Variants in LATS2 observed in about 807,000 individuals in gnomAD.
LATS2 encodes serine/threonine-protein kinase LATS2.
A neutral mutation model predicts 76.0 loss-of-function variants in LATS2; 24 were observed. That is an observed-to-expected ratio of 0.32 (90% CI 0.23 to 0.44). LATS2 has a LOEUF of 0.44. LATS2 is among the 20% of genes least tolerant of loss of function. The pLI, the probability that LATS2 is intolerant of heterozygous loss-of-function variation, is 1.00. For synonymous variants in LATS2, 692 were observed against 635.4 expected, an observed-to-expected ratio of 1.09 and a Z score of -1.34; for missense variants, 1,286 against 1,481.2, an observed-to-expected ratio of 0.87 and a Z score of 2.16.
chr13:20,983,211 C>G lies in LATS2; in HGVS notation c.2482+13G>C. On this transcript the variant is annotated intron_variant, in intron 5 of 7. Coordinates refer to ENST00000382592, the MANE Select transcript of LATS2 (RefSeq NM_014572.3). ...ACACATAGAAAGTGCATGTGGCACA[C>G]TTCAGACAATACCTTTCTGGTAATA... 1 of 1,588,228 alleles carries G rather than the reference C, an allele frequency of 6.3e-7. No homozygotes were observed. Among genetic ancestry groups the G allele is most frequent in the Non-Finnish European group, 8.6e-7 (1 of 1,158,952 alleles).
chr13:21,011,095 T>C lies in LATS2; in HGVS notation c.343-19691A>G, dbSNP rs894495859. Among the ~76,000 whole-genome samples, 2 of 152,240 alleles carry C rather than the reference T, an allele frequency of 1.3e-5. 1 individual carries two copies. Among genetic ancestry groups the C allele is most frequent in the Non-Finnish European group, 2.9e-5 (2 of 68,040 alleles). On this transcript the variant is annotated intron_variant, in intron 2 of 7. Coordinates refer to ENST00000382592, the MANE Select transcript of LATS2 (RefSeq NM_014572.3). ...CAACATGGTAATGGTAGCTACCTCA[T>C]AGTGATGGTGGCATGTTGATTTTTG...
In LATS2 at chr13:21,002,833, T is replaced by G. The variant is rs537314084; in HGVS notation, c.343-11429A>C. Reference sequence around the variant, plus strand: ...CCTCCCAAGTAGCTAGGATTACAGGTGCAGGCAATCACACCTGGCTAACTT... The same window carrying G: ...CCTCCCAAGTAGCTAGGATTACAGGGGCAGGCAATCACACCTGGCTAACTT... On this transcript the variant is annotated intron_variant, in intron 2 of 7. Transcript: ENST00000382592. 2.6e-5 allele frequency among the ~76,000 whole-genome samples: 4 copies of G among 152,198 alleles called. No homozygotes were observed. In the South Asian group the frequency reaches 8.3e-4, roughly 32 times the overall value.
At chr13:21,030,372 G>A (rs1296468175) in intron 2 of LATS2, among the ~76,000 whole-genome samples, 1 of 151,766 alleles carries the variant, frequency 6.6e-6, no homozygotes, top group Non-Finnish European at 1.5e-5. Flanking sequence ...GGTGGATCAC[G>A]AGGTCAGGAG....
At chr13:20,979,657 AC>A in intron 7 of LATS2, 33 bp downstream of exon 7, 2 of 1,198,290 alleles carry the variant, frequency 1.7e-6, no homozygotes, top group Non-Finnish European at 2.5e-6. Context: ...TCAGATGTCT[AC>A]AGCAAGCAGA....
intron 2 of LATS2, among the ~76,000 whole-genome samples, chr13:21,012,746 G>A (rs1343214079): frequency 4.6e-5 from 7 of 151,934 alleles, no homozygotes; most frequent in African/African-American, 1.7e-4. Flanking sequence ...GCACAGGGCG[G>A]GAGCTGTGCG....
rs955707183 is a variant in LATS2 at position 21,048,705 on chromosome 13, C to T, written c.-204-2475G>A. Among the ~76,000 whole-genome samples, 6 of 151,886 alleles carry T rather than the reference C, an allele frequency of 4.0e-5. No homozygotes were observed. The East Asian group carries it at 5.8e-4, about 15-fold the overall frequency. ...ATAAAAAATTAGCCAGGCATGGTGG[C>T]GGGTGCCTATAATCCCAGCTACTTG... On this transcript the variant is annotated intron_variant, in intron 1 of 7. Coordinates refer to ENST00000382592, the MANE Select transcript of LATS2 (RefSeq NM_014572.3).
intron 2 of LATS2, chr13:21,038,678 T>C (rs920359978): frequency 6.6e-6 from 1 of 152,214 alleles, no homozygotes; most frequent in Non-Finnish European, 1.5e-5. Flanking sequence ...TTATCTATTT[T>C]TGTAATTAGA....
intron 2 of LATS2, among the ~76,000 whole-genome samples, chr13:21,013,224 C>A (rs61607710): frequency 0.01 from 1,531 of 152,294 alleles, 19 homozygotes; most frequent in African/African-American, 0.034. Context: ...GACCATGAAG[C>A]AGGCTGCCTC....
chr13:21,018,844 C>T (rs1871916187), intron 2 of LATS2, among the ~76,000 whole-genome samples: 1 of 152,110 alleles, frequency 6.6e-6, no homozygotes, highest in African/African-American at 2.4e-5. Flanking sequence ...AAGGGTTTCA[C>T]CATTTTGGCC....
Position 20,983,216 on chromosome 13 carries a change from G to C in LATS2, c.2482+8C>G. The C allele has an allele frequency of 6.3e-7, 1 of 1,595,812 alleles. No individual in the cohort carries two copies. Among genetic ancestry groups the C allele is most frequent in the Non-Finnish European group, 8.6e-7 (1 of 1,164,830 alleles). On this transcript the variant is annotated splice_region_variant and intron_variant, in intron 5 of 7. Coordinates refer to ENST00000382592, the MANE Select transcript of LATS2 (RefSeq NM_014572.3). ...TAGAAAGTGCATGTGGCACACTTCA[G>C]ACAATACCTTTCTGGTAATATTTGG...
intron 2 of LATS2, among the ~76,000 whole-genome samples, chr13:21,028,978 C>G (rs1160026160): frequency 1.3e-5 from 2 of 152,186 alleles, no homozygotes. Flanking sequence ...ATTATTAGTT[C>G]TGGTAACTTT....
At chr13:21,042,529 A>AG (rs1872912609) in intron 2 of LATS2, among the ~76,000 whole-genome samples, 1 of 152,076 alleles carries the variant, frequency 6.6e-6, no homozygotes, top group Non-Finnish European at 1.5e-5. Flanking sequence ...CTCTAGAAAA[A>AG]ATTTTGAAAA....
At chr13:21,001,238 A>G (rs1325942002) in intron 2 of LATS2, among the ~76,000 whole-genome samples, 4 of 152,254 alleles carry the variant, frequency 2.6e-5, no homozygotes, top group Admixed American at 1.3e-4. Context: ...CACATTCCAC[A>G]GAAACTTAAT....
rs770603771 is a variant in LATS2, at chr13:21,061,418, G to C, written c.-277C>G. Reference sequence around the variant, plus strand: ...CCCGGGCCTCTCGCGCCGGGAGACCGGGCACTGGTGGCTGGAGCTGCTGCT... The same window carrying C: ...CCCGGGCCTCTCGCGCCGGGAGACCCGGCACTGGTGGCTGGAGCTGCTGCT... On this transcript the variant is annotated 5_prime_UTR_variant, in exon 1 of 8. Coordinates refer to ENST00000382592, the MANE Select transcript of LATS2 (RefSeq NM_014572.3). 3 of 152,674 alleles carry C rather than the reference G, an allele frequency of 2.0e-5. No individual in the cohort carries two copies. Among genetic ancestry groups the C allele is most frequent in the Non-Finnish European group, 4.4e-5 (3 of 68,474 alleles). The allele number at this position is 152,674 out of a possible 1,614,324, so 9.5% of individuals were successfully genotyped here.
chr13:21,015,802 C>A (rs138589247), intron 2 of LATS2, among the ~76,000 whole-genome samples: 6 of 152,202 alleles, frequency 3.9e-5, no homozygotes, highest in African/African-American at 9.6e-5. Context: ...CAGGTTCAAG[C>A]GATTCTCTCG....
rs114402666 is a variant in LATS2 at position 21,004,461 on chromosome 13, T to A, written c.343-13057A>T. ...AAAAAAAAAAAAAAAGCTTCTGTAA[T>A]GCAAGGGAGAATCAAATTTTAACAG... On this transcript the variant is annotated intron_variant, in intron 2 of 7. Coordinates refer to ENST00000382592, the MANE Select transcript of LATS2 (RefSeq NM_014572.3). Among the ~76,000 whole-genome samples, 741 of 148,770 alleles carry A rather than the reference T, an allele frequency of 5.0e-3. 7 individuals carry two copies. The highest frequency in any genetic ancestry group is 0.018 in the African/African-American group (714 of 40,380).
intron 2 of LATS2, among the ~76,000 whole-genome samples, chr13:21,015,213 A>G (rs1339334946): frequency 6.6e-6 from 1 of 152,124 alleles, no homozygotes; most frequent in Non-Finnish European, 1.5e-5. Context: ...TTAGATACAC[A>G]TTTTCTTACT....
intron 2 of LATS2, among the ~76,000 whole-genome samples, chr13:21,041,744 T>C (rs535095940): frequency 4.3e-4 from 65 of 152,146 alleles, no homozygotes; most frequent in African/African-American, 1.4e-3. Flanking sequence ...GGGGACACCA[T>C]GTGATAAAGT....
chr13:21,001,827 C>T (rs777056755), intron 2 of LATS2, among the ~76,000 whole-genome samples: 36 of 151,706 alleles, frequency 2.4e-4, no homozygotes, highest in Admixed American at 7.2e-4. Context: ...TGCGGTGAGC[C>T]GAGACAGCGC....
Sources: gnomAD v4.1 joint callset for allele counts (sites outside exome capture counted in the v4.1 genomes callset) on GRCh38, gnomAD v4.1.1 for gene constraint, MANE v1.5 for transcripts, NCBI Gene and HGNC (gene_info 2026-07-23, HGNC 2026-07-21) for gene names.